The following DNAH9 variants were observed in gnomAD, a reference collection of about 807,000 sequenced individuals.
The protein encoded by DNAH9 is dynein axonemal heavy chain 9, also known as DNAH9 variant protein.
DNAH9 carries 345 observed loss-of-function variants against 471.6 expected under a neutral mutation model. The ratio of observed to expected loss-of-function variants is 0.73; its 90% CI spans 0.67 to 0.80. DNAH9 has a LOEUF of 0.80. Ranked by LOEUF, DNAH9 falls within the 30% of genes least tolerant of loss-of-function variation. The probability of loss-of-function intolerance (pLI) is 0.00; values close to 1 mark genes in which losing one functional copy is unlikely to be tolerated. For synonymous variants in DNAH9, 2,093 were observed against 2,123.6 expected (o/e 0.99, Z 0.40); for missense variants, 5,407 against 5,609.2 (o/e 0.96, Z 1.15).
At chr17:11,909,322 C>T (rs1360564567) in intron 61 of DNAH9, among the ~76,000 whole-genome samples, 3 of 152,122 alleles carry the variant, frequency 2.0e-5, no homozygotes, top group Non-Finnish European at 4.4e-5. Context: ...CAATCATCCC[C>T]TTTATCTAAA....
At chr17:11,872,553 G>A (rs1972310436) in intron 52 of DNAH9, among the ~76,000 whole-genome samples, 1 of 152,126 alleles carries the variant, frequency 6.6e-6, no homozygotes, top group African/African-American at 2.4e-5. Context: ...TATACAGGAG[G>A]CACACAAAAC....
chr17:11,629,512 G>T lies in DNAH9; in HGVS notation c.1446G>T (p.Met482Ile), dbSNP rs372072983. The T allele has an allele frequency of 1.5e-5, 24 of 1,614,028 alleles. No individual in the cohort carries two copies. The highest frequency in any genetic ancestry group is 2.7e-5 in the African/African-American group (2 of 74,912). Reference protein sequence around the residue: ...GNALSQQVQQMHEEFQEMYRL... With the variant: ...GNALSQQVQQIHEEFQEMYRL... The stretch of plus-strand genomic sequence containing the variant: ...CTCTGAGTCAGCAGGTCCAGCAAAT[G>T]CATGAAGAATTTCAAGAGATGTACA... The change falls in exon 7 of 69, where the codon ATG becomes ATT. Residue 482 changes from methionine to isoleucine, a missense_variant. By Grantham distance (10) the Met-to-Ile change is conservative (BLOSUM62 1). Around this residue, in one of 3 missense-constraint regions of DNAH9, gnomAD observed 767 missense variants for 692.5 expected, o/e 1.11. Coordinates refer to ENST00000262442, the MANE Select transcript of DNAH9 (RefSeq NM_001372.4).
intron 61 of DNAH9, among the ~76,000 whole-genome samples, chr17:11,912,896 T>C (rs1490501031): frequency 6.6e-6 from 1 of 152,128 alleles, no homozygotes; most frequent in Non-Finnish European, 1.5e-5. Flanking sequence ...GGCCAGGCAC[T>C]GTGGCTCATG....
At chr17:11,815,943 C>T (rs1372398155) in intron 45 of DNAH9, among the ~76,000 whole-genome samples, 3 of 152,136 alleles carry the variant, frequency 2.0e-5, no homozygotes, top group Non-Finnish European at 2.9e-5. Flanking sequence ...ATTCCTAATT[C>T]CTTAAGGTAA....
In DNAH9 at chr17:11,733,265, G is replaced by A. The variant is rs374415492; in HGVS notation, c.5814+5343G>A. On this transcript the variant is annotated intron_variant, in intron 28 of 68. Transcript: ENST00000262442. The stretch of plus-strand genomic sequence containing the variant: ...AGAAGGGCCAAGGTAGAGGGGTGAC[G>A]AGAAAAAGCCAAGATCCCAGTAGCA... 4.1e-4 allele frequency among the ~76,000 whole-genome samples: 63 copies of A among 152,292 alleles called. No homozygotes were observed. The South Asian group carries it at 5.2e-3, about 13-fold the overall frequency.
intron 19 of DNAH9, among the ~76,000 whole-genome samples, chr17:11,681,826 G>C (rs758725274): frequency 6.6e-6 from 1 of 152,190 alleles, no homozygotes; most frequent in Non-Finnish European, 1.5e-5. Context: ...TAAAAATTAA[G>C]TGCACAGATG....
intron 49 of DNAH9, among the ~76,000 whole-genome samples, chr17:11,847,974 G>A (rs532275940): frequency 7.9e-5 from 12 of 151,988 alleles, no homozygotes; most frequent in Non-Finnish European, 1.6e-4. Flanking sequence ...AGGGCTCTCT[G>A]TCTCTGTCTC....
chr17:11,749,089 T>G (rs1404072986), intron 32 of DNAH9, among the ~76,000 whole-genome samples: 6 of 66,174 alleles, frequency 9.1e-5, no homozygotes, highest in African/African-American at 2.6e-4. Context: ...TTTTTTTGTT[T>G]TTTTTTTTTT....
intron 41 of DNAH9, among the ~76,000 whole-genome samples, chr17:11,793,226 C>T (rs1167208246): frequency 6.6e-6 from 1 of 152,162 alleles, no homozygotes; most frequent in Non-Finnish European, 1.5e-5. Flanking sequence ...CATGCCTCGC[C>T]CAAAGTCACA....
At chr17:11,654,051 T>G (rs532768482) in intron 14 of DNAH9, among the ~76,000 whole-genome samples, 112 of 146,330 alleles carry the variant, frequency 7.7e-4, no homozygotes, top group African/African-American at 2.6e-3. Flanking sequence ...TACTTAAGAT[T>G]TTAAAAGTTT....
chr17:11,798,505 A>C (rs1336804135), intron 43 of DNAH9, among the ~76,000 whole-genome samples: 1 of 151,550 alleles, frequency 6.6e-6, no homozygotes, highest in East Asian at 1.9e-4. Flanking sequence ...AAGTGCATAC[A>C]TATTTCAAAA....
chr17:11,736,509 C>T (rs1373168259), intron 28 of DNAH9, among the ~76,000 whole-genome samples: 2 of 152,162 alleles, frequency 1.3e-5, no homozygotes, highest in African/African-American at 4.8e-5. Flanking sequence ...CCTGAAAGAC[C>T]CTCTGGCCTT....
chr17:11,930,697 G>A (rs1160942670), intron 63 of DNAH9, among the ~76,000 whole-genome samples: 1 of 151,076 alleles, frequency 6.6e-6, no homozygotes, highest in African/African-American at 2.4e-5. Flanking sequence ...CCTGGGAGGC[G>A]GAGCTTGCAG....
At chr17:11,800,262 T>C (rs73975509) in intron 43 of DNAH9, among the ~76,000 whole-genome samples, 3,314 of 151,898 alleles carry the variant, frequency 0.022, 106 homozygotes, top group African/African-American at 0.076. Flanking sequence ...CTTCAGTTCA[T>C]GAACACCCCT....
At chr17:11,651,990 T>A (rs2150702151) in intron 13 of DNAH9, among the ~76,000 whole-genome samples, 1 of 151,984 alleles carries the variant, frequency 6.6e-6, no homozygotes, top group South Asian at 2.1e-4. Flanking sequence ...TCAGAAGTGT[T>A]AAAGTTTGAA....
chr17:11,946,199 CAAAAAAAA>C (rs34028612), intron 67 of DNAH9, among the ~76,000 whole-genome samples: 2 of 47,330 alleles, frequency 4.2e-5, no homozygotes, highest in Admixed American at 2.6e-4. Context: ...GAGTCCATCT[CAAAAAAAA>C]AAAAAAAAAA....
At chr17:11,857,307 GA>G (rs940385099) in intron 50 of DNAH9, among the ~76,000 whole-genome samples, 3 of 150,908 alleles carry the variant, frequency 2.0e-5, no homozygotes, top group Non-Finnish European at 1.5e-5. Flanking sequence ...ATATTTTCTG[GA>G]AAAAAAAATG....
intron 22 of DNAH9, among the ~76,000 whole-genome samples, chr17:11,696,682 G>A (rs763366622): frequency 3.9e-5 from 6 of 152,162 alleles, no homozygotes; most frequent in Non-Finnish European, 7.4e-5. Flanking sequence ...GTACTAAAGA[G>A]AGATTATCCC....
intron 45 of DNAH9, among the ~76,000 whole-genome samples, chr17:11,819,117 A>G (rs988740177): frequency 3.9e-5 from 6 of 151,956 alleles, no homozygotes; most frequent in African/African-American, 1.2e-4. Context: ...ACTTTCTTTG[A>G]CTTGAAGTGA....
Sources: allele counts gnomAD v4.1 joint callset (sites outside exome capture counted in the v4.1 genomes callset), GRCh38; gene constraint gnomAD v4.1.1; regional missense constraint gnomAD v4.1.1; transcripts MANE v1.5; gene names NCBI Gene and HGNC (gene_info 2026-07-23, HGNC 2026-07-21).